Variants in ARHGAP44 observed in about 807,000 individuals in gnomAD.
ARHGAP44 encodes Rho GTPase activating protein 44.
A neutral mutation model predicts 106.8 loss-of-function variants in ARHGAP44; 43 were observed. That is an observed-to-expected ratio of 0.40 (90% CI 0.32 to 0.52). The LOEUF (loss-of-function observed/expected upper bound fraction) is 0.52. Among genes scored for constraint, ARHGAP44 ranks in the 20% least tolerant of loss-of-function variants. The pLI, the probability that ARHGAP44 is intolerant of heterozygous loss-of-function variation, is 0.48. For missense variants in ARHGAP44, 866 were observed against 1,050.5 expected, an observed-to-expected ratio of 0.82 and a Z score of 2.43; for synonymous variants, 439 against 410.3, an observed-to-expected ratio of 1.07 and a Z score of -0.85.
intron 1 of ARHGAP44, among the ~76,000 whole-genome samples, chr17:12,838,820 C>T (rs2035313468): frequency 6.6e-6 from 1 of 151,904 alleles, no homozygotes; most frequent in South Asian, 2.1e-4. Context: ...TACAGACACC[C>T]ACCACCATGC....
At chr17:12,845,972 C>A (rs114790645) in intron 1 of ARHGAP44, among the ~76,000 whole-genome samples, 1 of 151,788 alleles carries the variant, frequency 6.6e-6, no homozygotes, top group Non-Finnish European at 1.5e-5. Flanking sequence ...GACAGGGTTC[C>A]GGTATTAAAA....
rs79028399 is a variant in ARHGAP44 at position 12,798,332 on chromosome 17, C to A, written c.53+8441C>A. Among the ~76,000 whole-genome samples the A allele has an allele frequency of 1.3e-3, 200 of 152,270 alleles. 1 individual carries two copies. Among genetic ancestry groups the A allele is most frequent in the African/African-American group, 4.5e-3 (189 of 41,554 alleles). On this transcript the variant is annotated intron_variant, in intron 1 of 20. Transcript: ENST00000379672. ...GATATTTTGTTTTTTAATTATGTTA[C>A]ATATTGCATAATTTTATTTTACTTT...
chr17:12,940,003 A>G (rs947386408), intron 7 of ARHGAP44, among the ~76,000 whole-genome samples: 1 of 152,240 alleles, frequency 6.6e-6, no homozygotes, highest in African/African-American at 2.4e-5. Flanking sequence ...CTTAATGAGA[A>G]TAGGCTTAAT....
intron 1 of ARHGAP44, among the ~76,000 whole-genome samples, chr17:12,859,537 G>C (rs1472618622): frequency 6.6e-6 from 1 of 152,122 alleles, no homozygotes; most frequent in Non-Finnish European, 1.5e-5. Context: ...CCACATTTTG[G>C]TTTGGCGCTG....
intron 16 of ARHGAP44, among the ~76,000 whole-genome samples, chr17:12,961,303 A>C (rs1289412085): frequency 6.6e-6 from 1 of 152,198 alleles, no homozygotes; most frequent in Non-Finnish European, 1.5e-5. Flanking sequence ...CTGCTTAAGA[A>C]TTTTCTAAAT....
intron 19 of ARHGAP44, among the ~76,000 whole-genome samples, chr17:12,984,029 C>T (rs886084310): frequency 8.5e-5 from 13 of 152,168 alleles, no homozygotes; most frequent in Non-Finnish European, 1.6e-4. Flanking sequence ...GAGCCAGAAG[C>T]CACTGGACAG....
intron 1 of ARHGAP44, among the ~76,000 whole-genome samples, chr17:12,808,909 A>G (rs2034358250): frequency 6.6e-6 from 1 of 152,152 alleles, no homozygotes; most frequent in Non-Finnish European, 1.5e-5. Flanking sequence ...ATTCCAAACC[A>G]TGTCTTTGTG....
chr17:12,852,447 T>G (rs2035779575), intron 1 of ARHGAP44, among the ~76,000 whole-genome samples: 1 of 151,176 alleles, frequency 6.6e-6, no homozygotes, highest in Admixed American at 6.6e-5. Context: ...GAAGAACCTC[T>G]ATTAGTTTTC....
At chr17:12,792,298 G>A (rs1013964158) in intron 1 of ARHGAP44, among the ~76,000 whole-genome samples, 1 of 152,016 alleles carries the variant, frequency 6.6e-6, no homozygotes, top group Non-Finnish European at 1.5e-5. Flanking sequence ...TTTCATTTCT[G>A]GACAGCACTC....
intron 17 of ARHGAP44, chr17:12,973,821 C>A (rs2039591101): frequency 1.2e-5 from 7 of 567,234 alleles, no homozygotes; most frequent in Non-Finnish European, 2.2e-5. Context: ...CAGCTTGTGG[C>A]CGCCAGCGCT....
intron 1 of ARHGAP44, among the ~76,000 whole-genome samples, chr17:12,873,171 C>T (rs922719798): frequency 1.1e-4 from 16 of 151,984 alleles, no homozygotes; most frequent in African/African-American, 3.9e-4. Flanking sequence ...CCCCTAATTC[C>T]CATGAGGTGA....
intron 10 of ARHGAP44, among the ~76,000 whole-genome samples, chr17:12,947,586 A>C (rs2038887659): frequency 6.6e-6 from 1 of 152,164 alleles, no homozygotes; most frequent in Non-Finnish European, 1.5e-5. Flanking sequence ...ACACCCCCGA[A>C]ACAGGACTCA....
Position 12,949,756 on chromosome 17 carries a change from C to A in ARHGAP44, c.1055+26C>A. 1.9e-6 allele frequency: 3 copies of A among 1,592,572 alleles called. No individual in the cohort carries two copies. Among genetic ancestry groups the A allele is most frequent in the South Asian group, 1.1e-5 (1 of 90,512 alleles). On this transcript the variant is annotated intron_variant, in intron 12 of 20. Transcript: ENST00000379672. The surrounding 1 kb of genome is among the most constrained non-coding windows in gnomAD (Gnocchi z 4.1). The stretch of plus-strand genomic sequence containing the variant: ...GTGAGTACCCCTTGTTTTGGAATGT[C>A]CTGTGAGTTACAGTTTATTTGGGAG...
chr17:12,860,895 T>A (rs888846685), intron 1 of ARHGAP44, among the ~76,000 whole-genome samples: 7 of 148,712 alleles, frequency 4.7e-5, no homozygotes, highest in African/African-American at 1.8e-4. Context: ...AAGGTCTTGC[T>A]CTGTCACTCT....
intron 1 of ARHGAP44, among the ~76,000 whole-genome samples, chr17:12,846,428 T>C (rs1260575965): frequency 6.6e-6 from 1 of 152,206 alleles, no homozygotes; most frequent in East Asian, 1.9e-4. Context: ...TTGAAAAACA[T>C]AGACACATGC....
chr17:12,878,085 G>T (rs1459221643), intron 1 of ARHGAP44, among the ~76,000 whole-genome samples: 1 of 152,200 alleles, frequency 6.6e-6, no homozygotes, highest in Non-Finnish European at 1.5e-5. Flanking sequence ...CATATTTTTA[G>T]AGATTGGGAA....
chr17:12,875,713 G>A (rs538380412), intron 1 of ARHGAP44, among the ~76,000 whole-genome samples: 1 of 152,302 alleles, frequency 6.6e-6, no homozygotes, highest in African/African-American at 2.4e-5. Flanking sequence ...GGAGGCCAAG[G>A]CAGGTGGATC....
At chr17:12,839,838 C>T (rs923905810) in intron 1 of ARHGAP44, among the ~76,000 whole-genome samples, 27 of 152,112 alleles carry the variant, frequency 1.8e-4, no homozygotes, top group African/African-American at 6.3e-4. Flanking sequence ...GGGATTAACC[C>T]AGGAATAAAA....
intron 20 of ARHGAP44, chr17:12,986,543 G>C (rs1252473106): frequency 6.5e-6 from 1 of 152,784 alleles, no homozygotes; most frequent in East Asian, 1.9e-4. Flanking sequence ...AGAATTAGTT[G>C]GGCATGGTGG....
Sources: allele counts gnomAD v4.1 joint callset (sites outside exome capture counted in the v4.1 genomes callset), GRCh38; gene constraint gnomAD v4.1.1; non-coding constraint Gnocchi (gnomAD v3.1); transcripts MANE v1.5; gene names NCBI Gene and HGNC (gene_info 2026-07-23, HGNC 2026-07-21).